The following PHIP variants were observed in gnomAD, a reference collection of about 807,000 sequenced individuals.
PHIP encodes the protein PH-interacting protein.
In PHIP, 54 loss-of-function variants were observed where a neutral mutation model predicts 236.8. That is an observed-to-expected ratio of 0.23 (90% CI 0.18 to 0.29). The LOEUF (loss-of-function observed/expected upper bound fraction) is 0.29, where lower values mean the gene tolerates loss of function less well. PHIP is among the 10% of genes least tolerant of loss of function. The probability of loss-of-function intolerance (pLI) is 1.00; values close to 1 mark genes in which losing one functional copy is unlikely to be tolerated. For synonymous variants in PHIP, 756 were observed against 718.9 expected, an observed-to-expected ratio of 1.05 and a Z score of -0.83; for missense variants, 1,370 against 2,190.8, an observed-to-expected ratio of 0.63 and a Z score of 7.48.
At chr6:79,022,235 G>A (rs1032255424) in intron 9 of PHIP, among the ~76,000 whole-genome samples, 6 of 152,154 alleles carry the variant, frequency 3.9e-5, no homozygotes, top group African/African-American at 7.2e-5. Context: ...GGGGTAAAAC[G>A]GAACCTATTT....
intron 19 of PHIP, among the ~76,000 whole-genome samples, chr6:78,996,732 T>A (rs981258385): frequency 6.6e-5 from 10 of 152,168 alleles, no homozygotes; most frequent in Non-Finnish European, 1.5e-4. Context: ...GTAATTACTA[T>A]CTTCTGAGTT....
intron 39 of PHIP, among the ~76,000 whole-genome samples, chr6:78,942,788 T>C (rs2127679270): frequency 6.6e-6 from 1 of 152,348 alleles, no homozygotes; most frequent in African/African-American, 2.4e-5. Flanking sequence ...AAGGACTACA[T>C]GAATCCCTTG....
At chr6:78,969,723 T>C (rs1306611350) in intron 27 of PHIP, 112 bp downstream of exon 27, 3 of 549,788 alleles carry the variant, frequency 5.5e-6, no homozygotes, top group East Asian at 6.1e-5. Flanking sequence ...TTCCTACAAA[T>C]AGCAAAAAGA....
At chr6:79,014,881 C>G (rs1390795830) in intron 15 of PHIP, among the ~76,000 whole-genome samples, 2 of 151,738 alleles carry the variant, frequency 1.3e-5, no homozygotes, top group African/African-American at 4.8e-5. Context: ...AATGTACAGG[C>G]ACTGTAATAT....
At chr6:78,951,629 T>C (rs1400302821) in intron 35 of PHIP, among the ~76,000 whole-genome samples, 1 of 152,212 alleles carries the variant, frequency 6.6e-6, no homozygotes, top group Admixed American at 6.5e-5. Context: ...ATTTTTCTTA[T>C]TTCTACTACT....
chr6:78,940,988 T>C lies in PHIP; in HGVS notation c.5171A>G (p.Lys1724Arg), dbSNP rs1223799787. The C allele has an allele frequency of 6.2e-7, 1 of 1,613,932 alleles. No homozygotes were observed. The highest frequency in any genetic ancestry group is 8.5e-7 in the Non-Finnish European group (1 of 1,179,938). ...RKPKRKMKTQKLDADLLVPAS... is the reference protein window; with the variant it reads ...RKPKRKMKTQRLDADLLVPAS... ...AGGGACTAGGAGATCTGCATCTAAT[T>C]TTTGTGTCTTCATCTTCCTTTTGGG... The change falls in exon 40 of 40, where the codon AAA becomes AGA. Residue 1724 changes from lysine to arginine, a missense_variant. Lys to Arg is a conservative substitution (Grantham distance 26, BLOSUM62 2). Around this residue, in one of 14 missense-constraint regions of PHIP, gnomAD observed 309 missense variants for 328.3 expected, o/e 0.94. Coordinates refer to ENST00000275034, the MANE Select transcript of PHIP (RefSeq NM_017934.7).
At position 79,016,569 on chromosome 6, in the gene PHIP, A is replaced by G. The variant is rs374248695; in HGVS notation, c.1210T>C (p.Leu404=). Residue 404 remains leucine, a synonymous_variant, in exon 13 of 40, where the codon TTG becomes CTG. Transcript: ENST00000275034. The stretch of plus-strand genomic sequence containing the variant: ...CCTGCTGGACGAGTAGCCATATCCA[A>G]CAAAATGCTCTTCCACTCTCTTCGT... ...FKRREWKSIL[L]DMATRPAGQN... 1.2e-5 allele frequency: 20 copies of G among 1,610,536 alleles called. No individual in the cohort carries two copies. In the East Asian group the frequency reaches 1.6e-4, roughly 13 times the overall value.
At chr6:78,998,652 G>A (rs1482646476) in intron 17 of PHIP, among the ~76,000 whole-genome samples, 1 of 152,006 alleles carries the variant, frequency 6.6e-6, no homozygotes, top group East Asian at 1.9e-4. Context: ...TAATCCGTAT[G>A]GTAACTCCAT....
At chr6:79,039,745 G>T (rs1203496000) in intron 7 of PHIP, among the ~76,000 whole-genome samples, 1 of 152,108 alleles carries the variant, frequency 6.6e-6, no homozygotes, top group East Asian at 1.9e-4. Context: ...ACTTTTGAGT[G>T]CCTTAGTTGT....
chr6:78,960,450 CTT>C (rs1208567579), intron 31 of PHIP, among the ~76,000 whole-genome samples: 12 of 137,408 alleles, frequency 8.7e-5, no homozygotes, highest in Admixed American at 2.2e-4. Context: ...TTAGGAATTC[CTT>C]TTTTTTTTTT....
chr6:78,955,057 A>G, intron 34 of PHIP, 94 bp from the exon 35 acceptor site: 2 of 966,208 alleles, frequency 2.1e-6, no homozygotes, highest in Non-Finnish European at 3.0e-6. Context: ...GGTAATATAC[A>G]ATAATTCAAA....
At chr6:78,970,950 T>C (rs1308429462) in intron 24 of PHIP, 62 bp from the exon 25 acceptor site, 1 of 1,105,814 alleles carries the variant, frequency 9.0e-7, no homozygotes, top group African/African-American at 1.6e-5. Flanking sequence ...ATATACAGGG[T>C]ATCAGCTGAA....
chr6:79,002,167 G>T, intron 16 of PHIP, 43 bp from the exon 17 acceptor site: 1 of 1,361,460 alleles, frequency 7.3e-7, no homozygotes, highest in Non-Finnish European at 1.0e-6. Context: ...AAATAAAAAT[G>T]TATCATTGTA....
chr6:79,008,534 T>C (rs1394565881), intron 15 of PHIP, among the ~76,000 whole-genome samples: 1 of 152,130 alleles, frequency 6.6e-6, no homozygotes, highest in Non-Finnish European at 1.5e-5. Context: ...GCTTATTTTC[T>C]TTTGGTCTTT....
At chr6:79,040,297 C>T (rs1272681662) in intron 7 of PHIP, among the ~76,000 whole-genome samples, 1 of 152,066 alleles carries the variant, frequency 6.6e-6, no homozygotes, top group Non-Finnish European at 1.5e-5. Context: ...GACTAAAAGC[C>T]CTCTGATGTC....
intron 7 of PHIP, among the ~76,000 whole-genome samples, chr6:79,026,374 G>A (rs1403924766): frequency 6.6e-6 from 1 of 151,864 alleles, no homozygotes; most frequent in Non-Finnish European, 1.5e-5. Context: ...TAAGACAAGT[G>A]GGATAAGATA....
intron 15 of PHIP, 40 bp from the exon 16 acceptor site, chr6:79,003,898 A>G: frequency 1.4e-6 from 2 of 1,407,556 alleles, no homozygotes; most frequent in Middle Eastern, 1.8e-4. Flanking sequence ...ACTACCATTA[A>G]AATGAAAAGA....
Position 79,002,024 on chromosome 6 carries a change from A to G in PHIP, c.1754T>C (p.Met585Thr). Residue 585 changes from methionine to threonine, a missense_variant, in exon 17 of 40, where the codon ATG becomes ACG. Transcript: ENST00000275034. ...DEQTQQAPHL[M>T]PPPFLVDVDG... is the part of the protein sequence containing the mutation. ...AACATCAACCAAAAAAGGGGGAGGCATAAGATGAGGTGCTTGCTGAGTCTG... is the reference window on the plus strand; with the variant it reads ...AACATCAACCAAAAAAGGGGGAGGCGTAAGATGAGGTGCTTGCTGAGTCTG... 2 of 1,613,354 alleles carry G rather than the reference A, an allele frequency of 1.2e-6. No individual in the cohort carries two copies. The highest frequency in any genetic ancestry group is 1.7e-6 in the Non-Finnish European group (2 of 1,179,456).
At chr6:79,010,696 A>C (rs749009381) in intron 15 of PHIP, among the ~76,000 whole-genome samples, 6 of 151,716 alleles carry the variant, frequency 4.0e-5, no homozygotes, top group Non-Finnish European at 5.9e-5. Context: ...AAGAGAAATA[A>C]AGCAAAACCG....
Sources: gnomAD v4.1 joint callset for allele counts (sites outside exome capture counted in the v4.1 genomes callset) on GRCh38, gnomAD v4.1.1 for gene constraint, gnomAD v4.1.1 regional missense constraint, MANE v1.5 for transcripts, NCBI Gene and HGNC (gene_info 2026-07-23, HGNC 2026-07-21) for gene names.